Variants in GRIK4 observed in about 807,000 individuals in gnomAD.
The protein encoded by GRIK4 is glutamate ionotropic receptor kainate type subunit 4.
A neutral mutation model predicts 104.9 loss-of-function variants in GRIK4; 40 were observed. The observed-to-expected ratio is 0.38, with a 90% CI of 0.30 to 0.50. GRIK4 has a LOEUF of 0.50. GRIK4 is among the 20% of genes least tolerant of loss of function. The probability of loss-of-function intolerance (pLI) is 0.93; values close to 1 mark genes in which losing one functional copy is unlikely to be tolerated. For synonymous variants in GRIK4, 485 were observed against 524.9 expected, an observed-to-expected ratio of 0.92 and a Z score of 1.04; for missense variants, 1,047 against 1,308.1, an observed-to-expected ratio of 0.80 and a Z score of 3.08.
chr11:120,898,511 C>CCTCT (rs1565425031), intron 11 of GRIK4, 21 bp from the exon 12 acceptor site: 4 of 1,397,326 alleles, frequency 2.9e-6, no homozygotes, highest in Non-Finnish European at 4.1e-6. Context: ...TCTTCCCAGT[C>CCTCT]CTCTCCGTTG....
intron 3 of GRIK4, among the ~76,000 whole-genome samples, chr11:120,674,560 C>G (rs1246617670): frequency 1.3e-5 from 2 of 152,222 alleles, no homozygotes; most frequent in South Asian, 2.1e-4. Flanking sequence ...AGTGGAATCA[C>G]CTCCTTGGCT....
At chr11:120,640,139 G>C (rs993068038) in intron 1 of GRIK4, among the ~76,000 whole-genome samples, 6 of 152,192 alleles carry the variant, frequency 3.9e-5, no homozygotes, top group Non-Finnish European at 8.8e-5. Flanking sequence ...TAGCGTGAAA[G>C]CAAGTTTATT....
chr11:120,619,561 G>C (rs1949159148), intron 1 of GRIK4, among the ~76,000 whole-genome samples: 1 of 152,178 alleles, frequency 6.6e-6, no homozygotes, highest in African/African-American at 2.4e-5. Context: ...ATGTGGAATT[G>C]TAATACCCGG....
intron 3 of GRIK4, among the ~76,000 whole-genome samples, chr11:120,679,575 G>A (rs1293541474): frequency 6.6e-6 from 1 of 152,222 alleles, no homozygotes; most frequent in African/African-American, 2.4e-5. Flanking sequence ...GGTGCAGGGA[G>A]CAGCTGGGCA....
chr11:120,590,860 T>C (rs1043620821), intron 1 of GRIK4, among the ~76,000 whole-genome samples: 2 of 152,152 alleles, frequency 1.3e-5, no homozygotes, highest in Non-Finnish European at 2.9e-5. Flanking sequence ...CTGCTATCTC[T>C]GTCCTCCTGG....
intron 6 of GRIK4, among the ~76,000 whole-genome samples, chr11:120,829,375 C>A (rs114538590): frequency 0.035 from 5,379 of 151,710 alleles, 304 homozygotes; most frequent in African/African-American, 0.12. Context: ...TGAGGCTGCC[C>A]CCTAAAAAAA....
chr11:120,548,767 C>G (rs1948110956), intron 1 of GRIK4, among the ~76,000 whole-genome samples: 1 of 152,142 alleles, frequency 6.6e-6, no homozygotes, highest in South Asian at 2.1e-4. Flanking sequence ...AGCTCCGAGA[C>G]CCCTTCATTT....
chr11:120,847,292 G>C lies in GRIK4; in HGVS notation c.744+10448G>C, dbSNP rs536737462. Among the ~76,000 whole-genome samples the C allele has an allele frequency of 3.2e-4, 49 of 152,298 alleles. 1 individual carries two copies. In the South Asian group the frequency reaches 1.0e-2, roughly 31 times the overall value. Reference sequence around the variant, plus strand: ...TCAGCATTAACTGAGCACTTACTGTGCTGTGTGCTGGGGATACAATGAAGA... The same window carrying C: ...TCAGCATTAACTGAGCACTTACTGTCCTGTGTGCTGGGGATACAATGAAGA... On this transcript the variant is annotated intron_variant, in intron 8 of 20. Transcript: ENST00000527524.
chr11:120,856,619 A>G (rs1954111239), intron 8 of GRIK4, among the ~76,000 whole-genome samples: 2 of 152,306 alleles, frequency 1.3e-5, no homozygotes, highest in South Asian at 4.2e-4. Context: ...CTGGGAGAAT[A>G]GTAATGCCCT....
intron 11 of GRIK4, among the ~76,000 whole-genome samples, chr11:120,879,995 C>A (rs900263171): frequency 5.9e-5 from 9 of 152,188 alleles, no homozygotes; most frequent in Admixed American, 4.6e-4. Context: ...TTTGTTAGTG[C>A]TGTAATAAGA....
chr11:120,730,637 T>C (rs1951111810), intron 3 of GRIK4, among the ~76,000 whole-genome samples: 1 of 152,130 alleles, frequency 6.6e-6, no homozygotes, highest in African/African-American at 2.4e-5. Flanking sequence ...TTGCACTGCA[T>C]CTGTAGATGC....
rs868116158 is a variant in GRIK4 at position 120,911,364 on chromosome 11, G to A, written c.1476+5871G>A. Among the ~76,000 whole-genome samples the A allele has an allele frequency of 4.9e-4, 73 of 148,934 alleles. No individual in the cohort carries two copies. The South Asian group carries it at 0.012, about 25-fold the overall frequency. The stretch of plus-strand genomic sequence containing the variant: ...CGCCATTCTCCTGCCTCAGCCTCCC[G>A]TGTAGCTGGGACTACAGGCGCGCGC... On this transcript the variant is annotated intron_variant, in intron 13 of 20. Transcript: ENST00000527524.
chr11:120,818,976 G>T (rs186626570), intron 5 of GRIK4, among the ~76,000 whole-genome samples: 1 of 152,210 alleles, frequency 6.6e-6, no homozygotes, highest in Admixed American at 6.5e-5. Context: ...AGCCTAAGCC[G>T]CCAATAAAGC....
In GRIK4 at chr11:120,661,141, G is replaced by A. The variant is rs995007792; in HGVS notation, c.82+741G>A. ...GCCACAGGGACAAGGACACAGTTCA[G>A]TCCGGCAGGCGCAGTGTGGTCATCT... is the stretch of plus-strand genomic sequence containing the variant. On this transcript the variant is annotated intron_variant, in intron 3 of 20. Coordinates refer to ENST00000527524, the MANE Select transcript of GRIK4 (RefSeq NM_014619.5). Among the ~76,000 whole-genome samples, 4 of 152,182 alleles carry A rather than the reference G, an allele frequency of 2.6e-5. No individual in the cohort carries two copies. The East Asian group carries it at 5.8e-4, about 22-fold the overall frequency.
intron 1 of GRIK4, among the ~76,000 whole-genome samples, chr11:120,542,005 C>A (rs1339098811): frequency 6.6e-6 from 1 of 151,764 alleles, no homozygotes; most frequent in Non-Finnish European, 1.5e-5. Context: ...CCTCAAATAG[C>A]CAAAACAGTC....
At chr11:120,516,926 G>T (rs1304298653) in intron 1 of GRIK4, among the ~76,000 whole-genome samples, 1 of 151,850 alleles carries the variant, frequency 6.6e-6, no homozygotes, top group Non-Finnish European at 1.5e-5. Flanking sequence ...CGGCTGCTGC[G>T]TTCCTGGGCA....
Position 120,746,355 on chromosome 11 carries a change from A to C in GRIK4, c.83-56338A>C, listed in dbSNP as rs1368998904. 2.6e-5 allele frequency among the ~76,000 whole-genome samples: 4 copies of C among 152,296 alleles called. No individual in the cohort carries two copies. In the East Asian group the frequency reaches 7.7e-4, roughly 29 times the overall value. On this transcript the variant is annotated intron_variant, in intron 3 of 20. Transcript: ENST00000527524. ...CTCAAGGGAGGTACAACTGTGTAAG[A>C]AGCTCAGCCCTGTCAGGATCAGCAG...
At chr11:120,708,525 G>A (rs114252390) in intron 3 of GRIK4, among the ~76,000 whole-genome samples, 2,737 of 152,202 alleles carry the variant, frequency 0.018, 85 homozygotes, top group African/African-American at 0.056. Flanking sequence ...CTGGCAGGCT[G>A]GTCAGTATGG....
chr11:120,925,896 C>T (rs1325874644), intron 13 of GRIK4, among the ~76,000 whole-genome samples: 23 of 151,510 alleles, frequency 1.5e-4, no homozygotes, highest in Admixed American at 1.5e-3. Flanking sequence ...TTTGCTTGAC[C>T]CCAGGAGGTG....
Sources: gnomAD v4.1 joint callset for allele counts (sites outside exome capture counted in the v4.1 genomes callset) on GRCh38, gnomAD v4.1.1 for gene constraint, MANE v1.5 for transcripts, NCBI Gene and HGNC (gene_info 2026-07-23, HGNC 2026-07-21) for gene names.